Variants in SLC11A2 observed in about 807,000 individuals in gnomAD.
SLC11A2 encodes the protein natural resistance-associated macrophage protein 2.
SLC11A2 carries 38 observed loss-of-function variants against 68.0 expected under a neutral mutation model. The ratio of observed to expected loss-of-function variants is 0.56; its 90% confidence interval spans 0.43 to 0.73. The LOEUF is 0.73. Ranked by LOEUF, SLC11A2 falls within the 30% of genes least tolerant of loss-of-function variation. The pLI, the probability that SLC11A2 is intolerant of heterozygous loss-of-function variation, is 0.00. For missense variants in SLC11A2, 517 were observed against 690.5 expected, an observed-to-expected ratio of 0.75 and a Z score of 2.82; for synonymous variants, 242 against 250.6, an observed-to-expected ratio of 0.97 and a Z score of 0.32.
At chr12:50,959,519 A>G in the SLC11A2 span, among the ~76,000 whole-genome samples, 1 of 152,232 alleles carries the variant, frequency 6.6e-6, no homozygotes, top group East Asian at 1.9e-4. Flanking sequence ...TACTTATCCA[A>G]AAATTTTTTT....
At chr12:50,995,275 C>T (rs1338850882) in intron 10 of SLC11A2, among the ~76,000 whole-genome samples, 1 of 152,182 alleles carries the variant, frequency 6.6e-6, no homozygotes, top group East Asian at 1.9e-4. Context: ...TGCCACTGCA[C>T]TCCAGCTTGG....
the SLC11A2 span, among the ~76,000 whole-genome samples, chr12:50,958,088 G>C: frequency 3.0e-4 from 45 of 151,814 alleles, no homozygotes; most frequent in South Asian, 9.2e-3. Flanking sequence ...TTACAGGCAT[G>C]AGCTACCATG....
rs1196881763 is a variant in SLC11A2, at chr12:50,999,430, A to T, written c.537-15T>A. On this transcript the variant is annotated splice_polypyrimidine_tract_variant and intron_variant, in intron 6 of 15. Coordinates refer to ENST00000262052, the MANE Select transcript of SLC11A2 (RefSeq NM_000617.3). ...ACAGAGGAATTCTAGGTCAGAGATG[A>T]GATATGGAAGTCAGAGAGACGGAAA... The T allele has an allele frequency of 6.3e-7, 1 of 1,592,004 alleles. No homozygotes were observed. The highest frequency in any genetic ancestry group is 8.6e-7 in the Non-Finnish European group (1 of 1,159,814).
the SLC11A2 span, among the ~76,000 whole-genome samples, chr12:50,960,436 A>G: frequency 6.6e-6 from 1 of 152,228 alleles, no homozygotes; most frequent in East Asian, 1.9e-4. Flanking sequence ...GAAATTACAA[A>G]TGACTAGACA....
At chr12:50,963,816 G>A in the SLC11A2 span, among the ~76,000 whole-genome samples, 1 of 152,192 alleles carries the variant, frequency 6.6e-6, no homozygotes, top group African/African-American at 2.4e-5. Flanking sequence ...TCTGGAAAAT[G>A]CAGTTACAGG....
At chr12:50,988,598 C>T (rs1215589503) in intron 15 of SLC11A2, among the ~76,000 whole-genome samples, 163 bp from the exon 16 acceptor site, 2 of 152,202 alleles carry the variant, frequency 1.3e-5, no homozygotes, top group African/African-American at 2.4e-5. Flanking sequence ...CCCCACTCCC[C>T]CTTCAAAAAA....
intron 1 of SLC11A2, among the ~76,000 whole-genome samples, chr12:51,015,875 G>A (rs1411713031): frequency 6.6e-6 from 1 of 152,144 alleles, no homozygotes; most frequent in African/African-American, 2.4e-5. Context: ...AATGTAATAT[G>A]ACTATTTTAT....
At chr12:50,952,726 C>T in the SLC11A2 span, among the ~76,000 whole-genome samples, 4 of 152,218 alleles carry the variant, frequency 2.6e-5, no homozygotes, top group African/African-American at 4.8e-5. Flanking sequence ...GTGAGCCCGG[C>T]GGGCTCTCAT....
At chr12:50,970,020 G>A in the SLC11A2 span, among the ~76,000 whole-genome samples, 1 of 152,002 alleles carries the variant, frequency 6.6e-6, no homozygotes, top group African/African-American at 2.4e-5. Flanking sequence ...AAACTCACAG[G>A]CAATTCACCC....
chr12:50,968,511 C>T, the SLC11A2 span, among the ~76,000 whole-genome samples: 1 of 152,114 alleles, frequency 6.6e-6, no homozygotes, highest in Non-Finnish European at 1.5e-5. Flanking sequence ...CTCAGCTTCC[C>T]TAGCAGCTGG....
chr12:50,998,674 C>G (rs1309514087), intron 8 of SLC11A2, among the ~76,000 whole-genome samples: 1 of 152,132 alleles, frequency 6.6e-6, no homozygotes, highest in Non-Finnish European at 1.5e-5. Flanking sequence ...GGTGCTAGTA[C>G]TGCAAATAAT....
chr12:50,954,914 T>A, the SLC11A2 span, among the ~76,000 whole-genome samples: 2 of 152,182 alleles, frequency 1.3e-5, no homozygotes, highest in Non-Finnish European at 2.9e-5. Context: ...TCATTTTGGC[T>A]GCTCAGTGGC....
intron 1 of SLC11A2, among the ~76,000 whole-genome samples, chr12:51,019,780 T>G (rs1004093503): frequency 6.7e-6 from 1 of 150,308 alleles, no homozygotes; most frequent in Admixed American, 6.6e-5. Flanking sequence ...CCCAAGTAGC[T>G]GGGACTAGAG....
chr12:50,970,477 C>T, the SLC11A2 span: 2 of 1,534,590 alleles, frequency 1.3e-6, no homozygotes, highest in Admixed American at 3.9e-5. Context: ...TTACATTAGA[C>T]CACGATTCTT....
At chr12:50,964,584 G>T in the SLC11A2 span, among the ~76,000 whole-genome samples, 1 of 152,184 alleles carries the variant, frequency 6.6e-6, no homozygotes, top group Non-Finnish European at 1.5e-5. Flanking sequence ...ATGACATACG[G>T]CTGGAGAGTT....
intron 1 of SLC11A2, among the ~76,000 whole-genome samples, chr12:51,025,162 A>T (rs1301778702): frequency 6.6e-6 from 1 of 152,174 alleles, no homozygotes; most frequent in East Asian, 1.9e-4. Flanking sequence ...AATGATGTCA[A>T]TGGAAAGTAT....
chr12:50,984,776 T>C (rs1771456380), downstream of SLC11A2, among the ~76,000 whole-genome samples: 1 of 152,220 alleles, frequency 6.6e-6, no homozygotes, highest in Non-Finnish European at 1.5e-5. Context: ...GACCAAAATC[T>C]ACCAGTTGGC....
chr12:50,990,486 T>C (rs994173145), intron 15 of SLC11A2: 1 of 272,760 alleles, frequency 3.7e-6, no homozygotes, highest in East Asian at 6.7e-5. Flanking sequence ...TGGTTAGAAA[T>C]ATTATTTTGT....
At chr12:50,961,418 A>G in the SLC11A2 span, among the ~76,000 whole-genome samples, 1 of 152,140 alleles carries the variant, frequency 6.6e-6, no homozygotes. Context: ...CACAGCCTAT[A>G]TTGTGGCTGT....
Sources: gnomAD v4.1 joint callset for allele counts (sites outside exome capture counted in the v4.1 genomes callset) on GRCh38, gnomAD v4.1.1 for gene constraint, MANE v1.5 for transcripts, NCBI Gene and HGNC (gene_info 2026-07-23, HGNC 2026-07-21) for gene names.